NAALADL2: variants seen among roughly 807,000 people sequenced by gnomAD.
NAALADL2 encodes the protein N-acetylated alpha-linked acidic dipeptidase like 2.
NAALADL2 carries 76 observed loss-of-function variants against 87.2 expected under a neutral mutation model. That is an observed-to-expected ratio of 0.87 (90% confidence interval 0.72 to 1.05). NAALADL2 has a LOEUF of 1.05. Among genes scored for constraint, NAALADL2 ranks in the 50% least tolerant of loss-of-function variants. The probability of loss-of-function intolerance (pLI) is 0.00; values close to 1 mark genes in which losing one functional copy is unlikely to be tolerated. For synonymous variants in NAALADL2, 354 were observed against 331.0 expected, an observed-to-expected ratio of 1.07 and a Z score of -0.75; for missense variants, 1,089 against 945.8, an observed-to-expected ratio of 1.15 and a Z score of -1.99.
At chr3:175,733,744 G>A (rs868305800) in intron 11 of NAALADL2, among the ~76,000 whole-genome samples, 82 of 151,616 alleles carry the variant, frequency 5.4e-4, no homozygotes, top group African/African-American at 1.9e-3. Flanking sequence ...AAGAAAGTTA[G>A]TTACTTCTTA....
intron 11 of NAALADL2, among the ~76,000 whole-genome samples, chr3:175,663,146 TTTTTATTTTA>T (rs537931566): frequency 1.8e-3 from 279 of 151,324 alleles, no homozygotes; most frequent in Non-Finnish European, 3.0e-3. Context: ...TGGGCTTGCT[TTTTTATTTTA>T]TTTTATTTTA....
At chr3:174,641,018 G>T (rs989267392) in intron 2 of NAALADL2, among the ~76,000 whole-genome samples, 1 of 152,166 alleles carries the variant, frequency 6.6e-6, no homozygotes, top group Non-Finnish European at 1.5e-5. Context: ...GAGGATGGGC[G>T]CCCCAAAGGC....
At chr3:174,803,037 G>C (rs1719023393) in intron 3 of NAALADL2, among the ~76,000 whole-genome samples, 1 of 151,882 alleles carries the variant, frequency 6.6e-6, no homozygotes, top group Admixed American at 6.6e-5. Context: ...TCTAGTTCTA[G>C]ATACTTGAAT....
chr3:174,830,954 T>G (rs532468844), intron 3 of NAALADL2, among the ~76,000 whole-genome samples: 14,489 of 149,454 alleles, frequency 0.097, 706 homozygotes, highest in Middle Eastern at 0.14. Context: ...TGTACATTGA[T>G]TTTGTATCCT....
chr3:174,616,044 T>C (rs1293715887), intron 2 of NAALADL2, among the ~76,000 whole-genome samples: 1 of 151,978 alleles, frequency 6.6e-6, no homozygotes, highest in Non-Finnish European at 1.5e-5. Context: ...ATAAATTCCC[T>C]GTGAATATAA....
At chr3:175,003,947 G>A (rs915275308) in intron 1 of NAALADL2, among the ~76,000 whole-genome samples, 1 of 152,188 alleles carries the variant, frequency 6.6e-6, no homozygotes, top group South Asian at 2.1e-4. Context: ...ACAGATGACT[G>A]GAGGAAACAT....
intron 9 of NAALADL2, among the ~76,000 whole-genome samples, chr3:175,537,563 A>G (rs1254002929): frequency 1.3e-5 from 2 of 152,220 alleles, no homozygotes; most frequent in African/African-American, 4.8e-5. Context: ...TCAAAGTACC[A>G]TATAACCACA....
chr3:174,862,953 T>A (rs187754010), intron 1 of NAALADL2, among the ~76,000 whole-genome samples: 1 of 151,956 alleles, frequency 6.6e-6, no homozygotes, highest in Non-Finnish European at 1.5e-5. Flanking sequence ...TACAGAGGAG[T>A]TGGCTGGATC....
intron 2 of NAALADL2, among the ~76,000 whole-genome samples, chr3:175,113,730 AG>A (rs1724598103): frequency 6.6e-6 from 1 of 151,698 alleles, no homozygotes; most frequent in South Asian, 2.1e-4. Context: ...ATAACAGGAG[AG>A]GAAACTTGTG....
chr3:174,812,324 C>T (rs1720309586), intron 3 of NAALADL2, among the ~76,000 whole-genome samples: 1 of 152,070 alleles, frequency 6.6e-6, no homozygotes, highest in Non-Finnish European at 1.5e-5. Context: ...TGAAAACTTC[C>T]TATAAGTGAG....
intron 2 of NAALADL2, among the ~76,000 whole-genome samples, chr3:174,568,597 CTA>C (rs1714566799): frequency 2.6e-5 from 4 of 151,796 alleles, no homozygotes; most frequent in Admixed American, 2.6e-4. Flanking sequence ...CATGCTTTAA[CTA>C]TTCAGTGAAT....
intron 1 of NAALADL2, among the ~76,000 whole-genome samples, chr3:174,953,263 A>C (rs1220432392): frequency 7.1e-6 from 1 of 140,842 alleles, no homozygotes; most frequent in African/African-American, 2.7e-5. Flanking sequence ...CAGGAAGCAA[A>C]AACCAGGTTA....
At chr3:174,838,021 G>GAAAAAAAA (rs77681462) in intron 3 of NAALADL2, among the ~76,000 whole-genome samples, 24 of 71,946 alleles carry the variant, frequency 3.3e-4, no homozygotes, top group Middle Eastern at 8.3e-3. Flanking sequence ...AACCAAAAAA[G>GAAAAAAAA]AAAAAAAAAA....
Position 175,536,324 on chromosome 3 carries a change from G to A in NAALADL2, c.1654-39717G>A, listed in dbSNP as rs149030832. 3.6e-3 allele frequency among the ~76,000 whole-genome samples: 542 copies of A among 152,250 alleles called. 2 individuals are homozygous for A. The highest frequency in any genetic ancestry group is 0.012 in the African/African-American group (516 of 41,540). On this transcript the variant is annotated intron_variant, in intron 9 of 13. Transcript: ENST00000454872. ...AAACATCGGTTTAAATTTGGTAGTT[G>A]CCATTTAGTAGCTTTCTGATCATAA...
At chr3:174,532,706 C>CT (rs970390929) in intron 1 of NAALADL2, among the ~76,000 whole-genome samples, 1 of 152,134 alleles carries the variant, frequency 6.6e-6, no homozygotes, top group Admixed American at 6.6e-5. Flanking sequence ...TTCCACGTTT[C>CT]TTTTTTTCAG....
At chr3:175,008,495 G>A (rs1328899095) in intron 1 of NAALADL2, among the ~76,000 whole-genome samples, 2 of 152,202 alleles carry the variant, frequency 1.3e-5, no homozygotes, top group East Asian at 1.9e-4. Context: ...AGGATAAGGA[G>A]GGACTCCTGT....
At chr3:174,768,985 T>C (rs971172321) in intron 3 of NAALADL2, among the ~76,000 whole-genome samples, 9 of 151,964 alleles carry the variant, frequency 5.9e-5, no homozygotes, top group African/African-American at 1.9e-4. Context: ...TTTTCTTTTT[T>C]TCTTTTTAAA....
At chr3:174,864,200 A>C in intron 1 of NAALADL2, 1 of 359,616 alleles carries the variant, frequency 2.8e-6, no homozygotes, top group South Asian at 2.0e-5. Context: ...GAGATTAGGA[A>C]AACAAAATCT....
chr3:174,595,826 C>T (rs1181323873), intron 2 of NAALADL2, among the ~76,000 whole-genome samples: 3 of 152,068 alleles, frequency 2.0e-5, no homozygotes, highest in Non-Finnish European at 4.4e-5. Flanking sequence ...GCCTGACCAA[C>T]ATGCAGAAAC....
Sources: allele counts gnomAD v4.1 joint callset (sites outside exome capture counted in the v4.1 genomes callset), GRCh38; gene constraint gnomAD v4.1.1; transcripts MANE v1.5; gene names NCBI Gene and HGNC (gene_info 2026-07-23, HGNC 2026-07-21).